Variants in MPRIP observed in about 807,000 individuals in gnomAD.
MPRIP encodes the protein myosin phosphatase Rho-interacting protein.
Under a neutral mutation model 234.9 loss-of-function variants are expected in MPRIP, and 59 were observed. The observed-to-expected ratio is 0.25, with a 90% CI of 0.20 to 0.31. MPRIP has a LOEUF of 0.31. Ranked by LOEUF, MPRIP falls within the 10% of genes least tolerant of loss-of-function variation. The pLI is 1.00. For missense variants in MPRIP, 2,436 were observed against 3,071.0 expected, an observed-to-expected ratio of 0.79 and a Z score of 4.89; for synonymous variants, 1,144 against 1,263.9, an observed-to-expected ratio of 0.91 and a Z score of 2.01.
intron 7 of MPRIP, among the ~76,000 whole-genome samples, chr17:17,139,217 C>T (rs1246739042): frequency 6.6e-6 from 1 of 152,216 alleles, no homozygotes; most frequent in Non-Finnish European, 1.5e-5. Flanking sequence ...CCTCTGAGGC[C>T]TCCAAGCCCA....
intron 17 of MPRIP, 35 bp downstream of exon 17, chr17:17,171,900 G>T: frequency 6.3e-7 from 1 of 1,586,522 alleles, no homozygotes; most frequent in South Asian, 1.1e-5. Context: ...GGCAGGGTGG[G>T]TGGCCAGCTT....
At chr17:17,096,754 T>G (rs1171245429) in intron 3 of MPRIP, 1 of 471,014 alleles carries the variant, frequency 2.1e-6, no homozygotes, top group African/African-American at 2.0e-5. Flanking sequence ...ATATTTTCCT[T>G]TTCCTCACTC....
chr17:17,074,554 A>G (rs1357395891), intron 1 of MPRIP, among the ~76,000 whole-genome samples: 1 of 152,192 alleles, frequency 6.6e-6, no homozygotes, highest in Non-Finnish European at 1.5e-5. Context: ...CATATTTACA[A>G]TGTTGTGCAA....
At chr17:17,095,466 T>C (rs142722096) in intron 3 of MPRIP, among the ~76,000 whole-genome samples, 49 of 152,286 alleles carry the variant, frequency 3.2e-4, no homozygotes, top group African/African-American at 1.1e-3. Flanking sequence ...TTAGGAGGTC[T>C]TTCTCTTGGG....
Position 17,164,384 on chromosome 17 carries a change from G to T in MPRIP, c.2793G>T (p.Gln931His). 7.7e-7 allele frequency: 1 copy of T among 1,292,762 alleles called. No individual in the cohort carries two copies. The allele number at this position is 1,292,762 out of a possible 1,614,324, so 80.1% of individuals were successfully genotyped here. Residue 931 changes from glutamine to histidine, a missense_variant, in exon 16 of 24, where the codon CAG (glutamine) becomes CAT (histidine). Physicochemically the swap from Gln to His is conservative, Grantham distance 24. This residue lies in a region of MPRIP where 1,998 missense variants were observed against 2,520.3 expected (regional missense o/e 0.79). Coordinates refer to ENST00000651222, the MANE Select transcript of MPRIP (RefSeq NM_001364716.4). Reference protein sequence around the residue: ...AKLKGDLKREQGRVREQLEER... With the variant: ...AKLKGDLKREHGRVREQLEER... ...TCAAGGGCGACCTGAAGCGGGAGCA[G>T]GGCCGGGTCCGCGAGCAGCTGGAGG...
In MPRIP at chr17:17,168,278, C is replaced by G. The variant is rs2046050018; in HGVS notation, c.6324+363C>G. On this transcript the variant is annotated intron_variant, in intron 16 of 23. Coordinates refer to ENST00000651222, the MANE Select transcript of MPRIP (RefSeq NM_001364716.4). ...TCCTTCCTGCCCCTGCCCCGGGAAC[C>G]CCGTCTGGCCCAGTCCCAGCCCAAA... The G allele has an allele frequency of 1.1e-5, 3 of 276,558 alleles. No individual in the cohort carries two copies. The East Asian group carries it at 3.0e-4, about 27-fold the overall frequency. The allele number at this position is 276,558 out of a possible 1,614,324, so 17.1% of individuals were successfully genotyped here. A position where few individuals can be genotyped will look rare whatever the true frequency, so the allele number is the denominator to read the frequency against.
chr17:17,154,300 C>T lies in MPRIP; in HGVS notation c.1720-6C>T. The T allele has an allele frequency of 1.9e-6, 3 of 1,613,558 alleles. No individual in the cohort carries two copies. The highest frequency in any genetic ancestry group is 1.7e-6 in the Non-Finnish European group (2 of 1,179,680). ...TCACTGATGGTGCCTCATCTTTTCT[C>T]TGTAGACAAAGGAGGGCGAGTTTAC... On this transcript the variant is annotated splice_region_variant and splice_polypyrimidine_tract_variant and intron_variant, in intron 12 of 23. Transcript: ENST00000651222.
At chr17:17,152,206 T>G (rs2045617962) in intron 12 of MPRIP, among the ~76,000 whole-genome samples, 1 of 152,270 alleles carries the variant, frequency 6.6e-6, no homozygotes, top group Admixed American at 6.5e-5. Context: ...TTGTCTGCTC[T>G]TAGTGGCCTG....
intron 3 of MPRIP, among the ~76,000 whole-genome samples, chr17:17,125,971 GA>G (rs1449489724): frequency 6.6e-6 from 1 of 152,206 alleles, no homozygotes; most frequent in African/African-American, 2.4e-5. Flanking sequence ...GGGAGAGTAA[GA>G]AAGAGGCCAG....
At position 17,136,305 on chromosome 17, in the gene MPRIP, C is replaced by T. The variant is rs1355902321; in HGVS notation, c.591C>T (p.Pro197=). 2 of 1,613,758 alleles carry T rather than the reference C, an allele frequency of 1.2e-6. No individual in the cohort carries two copies. The highest frequency in any genetic ancestry group is 1.7e-6 in the Non-Finnish European group (2 of 1,179,858). The change falls in exon 6 of 24, where the codon CCC becomes CCT. Residue 197 remains proline (P), a synonymous_variant. Coordinates refer to ENST00000651222, the MANE Select transcript of MPRIP (RefSeq NM_001364716.4). ...SSSIPSAEKV[P]TTKSTLWQEE... Reference sequence around the variant, plus strand: ...GCATCCCCAGTGCTGAGAAAGTCCCCACCACCAAGTCCACACTCTGGCAGG... The same window carrying T: ...GCATCCCCAGTGCTGAGAAAGTCCCTACCACCAAGTCCACACTCTGGCAGG...
intron 18 of MPRIP, among the ~76,000 whole-genome samples, chr17:17,173,386 G>C (rs981748946): frequency 3.9e-5 from 6 of 152,246 alleles, no homozygotes; most frequent in Non-Finnish European, 8.8e-5. Flanking sequence ...TGCCTCAGGA[G>C]CTGGCAGCAG....
At chr17:17,130,958 C>T (rs1336518719) in intron 4 of MPRIP, among the ~76,000 whole-genome samples, 2 of 152,178 alleles carry the variant, frequency 1.3e-5, no homozygotes, top group Non-Finnish European at 2.9e-5. Flanking sequence ...CAAGATTGTG[C>T]TGGGATAGTG....
At chr17:17,043,485 G>A (rs1222001208) in intron 1 of MPRIP, among the ~76,000 whole-genome samples, 1 of 152,316 alleles carries the variant, frequency 6.6e-6, no homozygotes, top group Non-Finnish European at 1.5e-5. Flanking sequence ...CTTGAACTTA[G>A]TTTGGCAGGC....
chr17:17,120,445 C>G (rs931716734), intron 3 of MPRIP, among the ~76,000 whole-genome samples: 9 of 152,170 alleles, frequency 5.9e-5, no homozygotes, highest in African/African-American at 1.9e-4. Flanking sequence ...AGCTTCCAGC[C>G]TCCCATGGGC....
chr17:17,155,037 G>A (rs2045696536), intron 13 of MPRIP, among the ~76,000 whole-genome samples: 1 of 152,182 alleles, frequency 6.6e-6, no homozygotes, highest in African/African-American at 2.4e-5. Context: ...AAAAAAAGCA[G>A]AGAAGATTCC....
rs920513261 is a variant in MPRIP at position 17,064,305 on chromosome 17, G to A, written c.124-11405G>A. ...CAACCTCCGCTTCCTGGGTTGAAGCGATTCTCCTGCCTCGGCGTCCCAAGT... is the reference window on the plus strand; with the variant it reads ...CAACCTCCGCTTCCTGGGTTGAAGCAATTCTCCTGCCTCGGCGTCCCAAGT... On this transcript the variant is annotated intron_variant, in intron 1 of 23. Coordinates refer to ENST00000651222, the MANE Select transcript of MPRIP (RefSeq NM_001364716.4). Among the ~76,000 whole-genome samples, 5 of 151,904 alleles carry A rather than the reference G, an allele frequency of 3.3e-5. No homozygotes were observed. The South Asian group carries it at 6.2e-4, about 19-fold the overall frequency.
chr17:17,068,051 T>C (rs2089093055), intron 1 of MPRIP, among the ~76,000 whole-genome samples: 1 of 152,188 alleles, frequency 6.6e-6, no homozygotes, highest in East Asian at 1.9e-4. Context: ...CTTTGATGTC[T>C]GCAGAATCTG....
At chr17:17,122,303 C>T (rs1225645781) in intron 3 of MPRIP, among the ~76,000 whole-genome samples, 1 of 152,120 alleles carries the variant, frequency 6.6e-6, no homozygotes, top group Non-Finnish European at 1.5e-5. Flanking sequence ...TCTCCACAAT[C>T]GAAGGGAGCT....
At chr17:17,082,218 C>T (rs2089477239) in intron 3 of MPRIP, among the ~76,000 whole-genome samples, 1 of 151,140 alleles carries the variant, frequency 6.6e-6, no homozygotes, top group African/African-American at 2.4e-5. Context: ...GCAGGCCAGG[C>T]CATGAGGCTT....
Sources: gnomAD v4.1 joint callset for allele counts (sites outside exome capture counted in the v4.1 genomes callset) on GRCh38, gnomAD v4.1.1 for gene constraint, gnomAD v4.1.1 regional missense constraint, MANE v1.5 for transcripts, NCBI Gene and HGNC (gene_info 2026-07-23, HGNC 2026-07-21) for gene names.